Variants in EGFR observed in about 807,000 individuals in gnomAD.
EGFR encodes avian erythroblastic leukemia viral (v-erb-b) oncogene homolog.
In EGFR, 58 loss-of-function variants were observed where a neutral mutation model predicts 143.0. The observed-to-expected ratio is 0.41, with a 90% CI of 0.33 to 0.50. EGFR has a LOEUF of 0.50. Ranked by LOEUF, EGFR falls within the 20% of genes least tolerant of loss-of-function variation. EGFR has a pLI of 0.39. For missense variants in EGFR, 1,307 were observed against 1,579.0 expected, an observed-to-expected ratio of 0.83 and a Z score of 2.92; for synonymous variants, 613 against 594.4, an observed-to-expected ratio of 1.03 and a Z score of -0.45.
intron 22 of EGFR, 78 bp from the exon 23 acceptor site, chr7:55,198,639 G>T (rs781774400): frequency 2.1e-5 from 34 of 1,600,306 alleles, no homozygotes; most frequent in Non-Finnish European, 2.9e-5. Flanking sequence ...ACAGTAACCA[G>T]TAATGATGAC....
At chr7:55,136,273 GA>G (rs1249195810) in intron 1 of EGFR, among the ~76,000 whole-genome samples, 1 of 151,998 alleles carries the variant, frequency 6.6e-6, no homozygotes, top group Non-Finnish European at 1.5e-5. Context: ...AAGAAAGCGG[GA>G]AAAAAATCCT....
At chr7:55,102,582 C>T (rs955776761) in intron 1 of EGFR, among the ~76,000 whole-genome samples, 1 of 152,136 alleles carries the variant, frequency 6.6e-6, no homozygotes, top group East Asian at 1.9e-4. Flanking sequence ...AACAATGTAA[C>T]AATTTTTTTT....
At chr7:55,201,477 T>C (rs1787847504) in intron 25 of EGFR, 122 bp downstream of exon 25, 1 of 1,419,154 alleles carries the variant, frequency 7.0e-7, no homozygotes. Flanking sequence ...TTTAACCAAA[T>C]GGTAAAATCA....
In EGFR at chr7:55,187,995, A is replaced by T. The variant is rs369729628; in HGVS notation, c.2470-3724A>T. The stretch of plus-strand genomic sequence containing the variant: ...CTGCCTCAGGACCAGCCCAAAGTGG[A>T]GGTGAGAGGTGAGCCCCAGCCCCCA... On this transcript the variant is annotated intron_variant, in intron 20 of 27. Coordinates refer to ENST00000275493, the MANE Select transcript of EGFR (RefSeq NM_005228.5). 4.6e-5 allele frequency among the ~76,000 whole-genome samples: 7 copies of T among 152,146 alleles called. No individual in the cohort carries two copies. In the East Asian group the frequency reaches 1.4e-3, roughly 29 times the overall value.
intron 1 of EGFR, among the ~76,000 whole-genome samples, chr7:55,044,496 C>A (rs949829814): frequency 1.3e-5 from 2 of 152,194 alleles, no homozygotes. Context: ...GAGCTGGGCA[C>A]CTGACTCAGC....
chr7:55,167,902 G>C (rs1384298982), intron 15 of EGFR, among the ~76,000 whole-genome samples: 6 of 152,152 alleles, frequency 3.9e-5, no homozygotes, highest in Non-Finnish European at 8.8e-5. Context: ...ATCAGAGCTT[G>C]GCATCTAAAG....
At chr7:55,162,150 A>T (rs907773290) in intron 13 of EGFR, among the ~76,000 whole-genome samples, 2 of 152,252 alleles carry the variant, frequency 1.3e-5, no homozygotes, top group African/African-American at 4.8e-5. Context: ...ATGTTTGTTG[A>T]ATTTAGTTGC....
At chr7:55,184,791 A>G (rs1276128991) in intron 20 of EGFR, among the ~76,000 whole-genome samples, 1 of 152,224 alleles carries the variant, frequency 6.6e-6, no homozygotes, top group Non-Finnish European at 1.5e-5. Flanking sequence ...GAATAGTTGC[A>G]ATGATGGAAC....
intron 1 of EGFR, among the ~76,000 whole-genome samples, chr7:55,027,966 G>C (rs1786991668): frequency 1.0e-5 from 1 of 100,260 alleles, no homozygotes; most frequent in African/African-American, 3.7e-5. Flanking sequence ...GTATATTCAT[G>C]CCTTTATGTA....
chr7:55,071,568 T>G (rs2128884109), intron 1 of EGFR, among the ~76,000 whole-genome samples: 1 of 152,366 alleles, frequency 6.6e-6, no homozygotes, highest in South Asian at 2.1e-4. Context: ...ATCCATCATG[T>G]TCTCTGTTCA....
chr7:55,055,763 A>G (rs980394349), intron 1 of EGFR, among the ~76,000 whole-genome samples: 1 of 151,370 alleles, frequency 6.6e-6, no homozygotes. Context: ...GGTCGATGCC[A>G]TCTACCCTGG....
chr7:55,161,368 A>G, intron 12 of EGFR, 131 bp from the exon 13 acceptor site: 7 of 1,272,678 alleles, frequency 5.5e-6, no homozygotes, highest in Non-Finnish European at 5.3e-6. Context: ...CTCCTCCTTC[A>G]GGGGTAGCCA....
rs767013310 is a variant in EGFR at position 55,152,681 on chromosome 7, G to C, written c.747+17G>C. On this transcript the variant is annotated intron_variant, in intron 6 of 27. Transcript: ENST00000275493. ...GACTGCCTGGTAAGATGCCCCTCCA[G>C]CAGCCTCCCTGGAGCAGGCTGGGGC... 1 of 1,610,432 alleles carries C rather than the reference G, an allele frequency of 6.2e-7. No individual in the cohort carries two copies. Among genetic ancestry groups the C allele is most frequent in the Non-Finnish European group, 8.5e-7 (1 of 1,177,564 alleles).
intron 15 of EGFR, among the ~76,000 whole-genome samples, chr7:55,170,102 A>G (rs779675151): frequency 6.6e-6 from 1 of 152,164 alleles, no homozygotes; most frequent in Non-Finnish European, 1.5e-5. Context: ...TTATGAACTA[A>G]GCTCAAAAGC....
At chr7:55,031,249 C>T (rs973386520) in intron 1 of EGFR, among the ~76,000 whole-genome samples, 1 of 152,156 alleles carries the variant, frequency 6.6e-6, no homozygotes, top group Non-Finnish European at 1.5e-5. Flanking sequence ...AATAAGTAAA[C>T]CCTTCCAGTA....
At chr7:55,111,710 G>A (rs1307199334) in intron 1 of EGFR, among the ~76,000 whole-genome samples, 2 of 152,148 alleles carry the variant, frequency 1.3e-5, no homozygotes, top group Non-Finnish European at 2.9e-5. Flanking sequence ...GGAGTGTTTG[G>A]ATGTTATGAT....
At chr7:55,201,492 C>A (rs1787847759) in intron 25 of EGFR, 137 bp downstream of exon 25, 9 of 1,350,374 alleles carry the variant, frequency 6.7e-6, no homozygotes, top group Non-Finnish European at 9.3e-6. Flanking sequence ...AAATCAAAAT[C>A]AAAATAAATT....
chr7:55,194,653 C>G (rs1000932202), intron 22 of EGFR, among the ~76,000 whole-genome samples: 1 of 152,212 alleles, frequency 6.6e-6, no homozygotes, highest in Non-Finnish European at 1.5e-5. Flanking sequence ...CCTCCCGTCA[C>G]GCTCCAGGCA....
chr7:55,045,723 G>T (rs1788146415), intron 1 of EGFR, among the ~76,000 whole-genome samples: 1 of 152,236 alleles, frequency 6.6e-6, no homozygotes, highest in South Asian at 2.1e-4. Flanking sequence ...AGTGAAAAGT[G>T]CCTGGCATCC....
Sources: gnomAD v4.1 joint callset for allele counts (sites outside exome capture counted in the v4.1 genomes callset) on GRCh38, gnomAD v4.1.1 for gene constraint, MANE v1.5 for transcripts, NCBI Gene and HGNC (gene_info 2026-07-23, HGNC 2026-07-21) for gene names.